USH2A: variants seen among roughly 807,000 people sequenced by gnomAD.
The protein encoded by USH2A is Usher syndrome 2A (autosomal recessive, mild).
A neutral mutation model predicts 538.9 loss-of-function variants in USH2A; 443 were observed. The observed-to-expected ratio is 0.82, with a 90% confidence interval of 0.76 to 0.89. USH2A has a LOEUF of 0.89. Ranked by LOEUF, USH2A falls within the 40% of genes least tolerant of loss-of-function variation. USH2A has a pLI of 0.00. For missense variants in USH2A, 6,633 were observed against 6,324.8 expected, an observed-to-expected ratio of 1.05 and a Z score of -1.65; for synonymous variants, 2,413 against 2,273.5, an observed-to-expected ratio of 1.06 and a Z score of -1.75.
At chr1:216,066,971 TTA>T (rs1192493581) in intron 30 of USH2A, among the ~76,000 whole-genome samples, 8 of 152,190 alleles carry the variant, frequency 5.3e-5, no homozygotes, top group Non-Finnish European at 8.8e-5. Context: ...TAGGGATTTA[TTA>T]TATCATCATT....
chr1:215,747,891 G>GTTT (rs971161483), intron 58 of USH2A, among the ~76,000 whole-genome samples: 18 of 93,360 alleles, frequency 1.9e-4, no homozygotes, highest in Admixed American at 2.8e-4. Flanking sequence ...TGTTTGTTTG[G>GTTT]TTTTTTTTTT....
Position 215,790,176 on chromosome 1 carries a change from T to A in USH2A, c.10065A>T (p.Pro3355=), listed in dbSNP as rs750829368. The change falls in exon 51 of 72, where the codon CCA becomes CCT. Residue 3355 remains proline (P), a synonymous_variant. Coordinates refer to ENST00000307340, the MANE Select transcript of USH2A (RefSeq NM_206933.4). Reference sequence around the variant, plus strand: ...TAAGTTCAGTCTCACAGCATTTTACTGGCACCGGGTCATTCTTTTTAATAT... The same window carrying A: ...TAAGTTCAGTCTCACAGCATTTTACAGGCACCGGGTCATTCTTTTTAATAT... ...KAHIKKNDPV[P]VKCCETELIP... 2.5e-6 allele frequency: 4 copies of A among 1,614,104 alleles called. No individual in the cohort carries two copies. The highest frequency in any genetic ancestry group is 1.1e-5 in the South Asian group (1 of 91,076).
chr1:215,664,972 C>T (rs1657557436), intron 64 of USH2A, among the ~76,000 whole-genome samples: 2 of 152,094 alleles, frequency 1.3e-5, no homozygotes, highest in African/African-American at 4.8e-5. Context: ...AGGAAAGGCC[C>T]AAAGAGGTTA....
At chr1:215,980,918 G>T (rs1667737926) in intron 35 of USH2A, among the ~76,000 whole-genome samples, 1 of 151,978 alleles carries the variant, frequency 6.6e-6, no homozygotes, top group South Asian at 2.1e-4. Flanking sequence ...ACACATTTTT[G>T]TATATGTGTC....
At position 216,418,694 on chromosome 1, in the gene USH2A, G is replaced by A. The variant is rs114194722; in HGVS notation, c.486-15C>T. The A allele has an allele frequency of 2.6e-3, 4,128 of 1,612,444 alleles. 6 individuals carry two copies. The highest frequency in any genetic ancestry group is 3.3e-3 in the Non-Finnish European group (3,887 of 1,179,036). ...CTATAACACACCTTAGGAAGCAACC[G>A]GAAAAGAGAGAAAAGGTCAGCATCC... is the stretch of plus-strand genomic sequence containing the variant. On this transcript the variant is annotated splice_polypyrimidine_tract_variant and intron_variant, in intron 2 of 71. Coordinates refer to ENST00000307340, the MANE Select transcript of USH2A (RefSeq NM_206933.4).
At chr1:215,945,884 T>A (rs940901939) in intron 37 of USH2A, among the ~76,000 whole-genome samples, 3 of 149,476 alleles carry the variant, frequency 2.0e-5, no homozygotes, top group African/African-American at 7.3e-5. Context: ...AATAAAAATG[T>A]GGAATAAAAC....
At chr1:216,121,146 T>C (rs2033130440) in intron 21 of USH2A, among the ~76,000 whole-genome samples, 1 of 152,178 alleles carries the variant, frequency 6.6e-6, no homozygotes, top group Non-Finnish European at 1.5e-5. Context: ...ATAATATATA[T>C]TAGTTTCAAA....
chr1:216,240,815 T>C (rs1343906952), intron 13 of USH2A, among the ~76,000 whole-genome samples: 1 of 152,106 alleles, frequency 6.6e-6, no homozygotes, highest in African/African-American at 2.4e-5. Flanking sequence ...AAATGGAGGA[T>C]CCAACATAGG....
In USH2A at chr1:215,772,221, G is replaced by T. The variant is rs547923029; in HGVS notation, c.10940-5433C>A. Among the ~76,000 whole-genome samples the T allele has an allele frequency of 2.0e-5, 3 of 152,304 alleles. No individual in the cohort carries two copies. In the South Asian group the frequency reaches 6.2e-4, roughly 32 times the overall value. ...TGAAAACTACTCATGAATTGATCAG[G>T]ATGAGAAGAGGGAAATAAAGAGATG... On this transcript the variant is annotated intron_variant, in intron 55 of 71. Coordinates refer to ENST00000307340, the MANE Select transcript of USH2A (RefSeq NM_206933.4).
intron 14 of USH2A, among the ~76,000 whole-genome samples, chr1:216,221,227 T>C (rs1295054730): frequency 1.3e-5 from 2 of 152,082 alleles, no homozygotes; most frequent in East Asian, 3.9e-4. Context: ...CTTAACTCTG[T>C]CCCCCTGGCT....
At chr1:216,116,014 C>T (rs975526173) in intron 21 of USH2A, among the ~76,000 whole-genome samples, 3 of 151,254 alleles carry the variant, frequency 2.0e-5, no homozygotes, top group Non-Finnish European at 4.4e-5. Flanking sequence ...TAGGCTAAAG[C>T]AAAATGTTAG....
chr1:216,400,587 GCAAATCTCATA>G (rs1479069968), intron 3 of USH2A, among the ~76,000 whole-genome samples: 1 of 152,076 alleles, frequency 6.6e-6, no homozygotes, highest in Non-Finnish European at 1.5e-5. Flanking sequence ...AAGAAGCTGA[GCAAATCTCATA>G]CAATAGGATA....
intron 3 of USH2A, among the ~76,000 whole-genome samples, chr1:216,365,881 G>T (rs1380731022): frequency 6.6e-6 from 1 of 152,128 alleles, no homozygotes; most frequent in Non-Finnish European, 1.5e-5. Context: ...CAGCCAATTT[G>T]ACCCACAGGT....
chr1:216,215,054 AG>A, intron 15 of USH2A, among the ~76,000 whole-genome samples: 1 of 152,104 alleles, frequency 6.6e-6, no homozygotes, highest in South Asian at 2.1e-4. Flanking sequence ...ATCACCCAAA[AG>A]GGAAATTTAC....
intron 21 of USH2A, among the ~76,000 whole-genome samples, chr1:216,135,364 T>C (rs1458340802): frequency 6.6e-6 from 1 of 152,134 alleles, no homozygotes; most frequent in East Asian, 1.9e-4. Context: ...AGCTATTATA[T>C]AATATTTTGC....
At chr1:215,730,954 C>T (rs570111970) in intron 60 of USH2A, among the ~76,000 whole-genome samples, 4 of 152,180 alleles carry the variant, frequency 2.6e-5, no homozygotes, top group African/African-American at 4.8e-5. Flanking sequence ...TAGCCAAGGA[C>T]TCTTCTCAGT....
chr1:215,630,979 AAAT>A (rs1263974020), intron 70 of USH2A, among the ~76,000 whole-genome samples: 2 of 152,196 alleles, frequency 1.3e-5, no homozygotes, highest in Non-Finnish European at 2.9e-5. Context: ...ACCAGTAATT[AAAT>A]AACAAGCAAA....
chr1:216,248,404 A>G (rs1051429616), intron 12 of USH2A, among the ~76,000 whole-genome samples: 59 of 152,204 alleles, frequency 3.9e-4, no homozygotes, highest in African/African-American at 1.4e-3. Flanking sequence ...AACTCACTGC[A>G]TGGGTTGAAT....
intron 58 of USH2A, 34 bp from the exon 59 acceptor site, chr1:215,743,369 AAC>A (rs1660361584): frequency 1.1e-6 from 1 of 928,126 alleles, no homozygotes; most frequent in East Asian, 3.6e-5. Flanking sequence ...GAACATTAAA[AAC>A]ATATATATAT....
Sources: allele counts gnomAD v4.1 joint callset (sites outside exome capture counted in the v4.1 genomes callset), GRCh38; gene constraint gnomAD v4.1.1; transcripts MANE v1.5; gene names NCBI Gene and HGNC (gene_info 2026-07-23, HGNC 2026-07-21).